SEMA6C: variants seen among roughly 807,000 people sequenced by gnomAD.
SEMA6C encodes semaphorin-6C.
A neutral mutation model predicts 72.9 loss-of-function variants in SEMA6C; 37 were observed. The observed-to-expected ratio is 0.51, with a 90% confidence interval of 0.39 to 0.67. The LOEUF is 0.67. Ranked by LOEUF, SEMA6C falls within the 30% of genes least tolerant of loss-of-function variation. SEMA6C has a pLI of 0.00. For missense variants in SEMA6C, 1,189 were observed against 1,263.6 expected (o/e 0.94, Z 0.89); for synonymous variants, 578 against 554.1 (o/e 1.04, Z -0.61).
intron 2 of SEMA6C, among the ~76,000 whole-genome samples, chr1:151,143,304 A>T (rs1037003149): frequency 4.6e-5 from 7 of 152,104 alleles, no homozygotes; most frequent in Non-Finnish European, 1.0e-4. Context: ...TAGGGAGGAG[A>T]GTTGGTGGGG....
rs1681596092 is a variant in SEMA6C, at chr1:151,132,286, C to T, written c.*198G>A. 3 of 1,533,716 alleles carry T rather than the reference C, an allele frequency of 2.0e-6. No individual in the cohort carries two copies. The highest frequency in any genetic ancestry group is 1.2e-5 in the South Asian group (1 of 83,190). On this transcript the variant is annotated 3_prime_UTR_variant, in exon 19 of 19. Coordinates refer to ENST00000368914, the MANE Select transcript of SEMA6C (RefSeq NM_030913.6). ...CTCACTGAGGAGACGGGCTTCTCAC[C>T]TCCCACTCTTCTGTCGAGGACAGGG...
intron 6 of SEMA6C, 34 bp from the exon 7 acceptor site, chr1:151,138,765 G>A: frequency 6.6e-7 from 1 of 1,526,040 alleles, no homozygotes; most frequent in Non-Finnish European, 9.1e-7. Flanking sequence ...CAGTGACAGA[G>A]GGTCCTGGGA....
chr1:151,134,730 T>C, intron 16 of SEMA6C, 55 bp from the exon 17 acceptor site: 1 of 1,612,582 alleles, frequency 6.2e-7, no homozygotes, highest in Non-Finnish European at 8.5e-7. Flanking sequence ...TATCTCCCAC[T>C]CTGGCCCTCA....
intron 3 of SEMA6C, among the ~76,000 whole-genome samples, chr1:151,140,389 G>A (rs912441445): frequency 3.3e-5 from 5 of 152,232 alleles, no homozygotes; most frequent in African/African-American, 1.2e-4. Flanking sequence ...GAAGTGGCAG[G>A]TATCAGGATT....
At chr1:151,135,964 G>A (rs1681987201) in intron 13 of SEMA6C, 47 bp downstream of exon 13, 8 of 1,611,124 alleles carry the variant, frequency 5.0e-6, no homozygotes, top group Non-Finnish European at 6.8e-6. Context: ...AAAGAGGAGG[G>A]TGGCTGAGAA....
intron 2 of SEMA6C, among the ~76,000 whole-genome samples, chr1:151,144,061 G>A (rs1682764866): frequency 6.6e-6 from 1 of 152,072 alleles, no homozygotes; most frequent in South Asian, 2.1e-4. Context: ...AACACCTAAT[G>A]ATGACCCCCC....
chr1:151,139,965 G>A lies in SEMA6C; in HGVS notation c.233+11C>T, dbSNP rs771673205. On this transcript the variant is annotated intron_variant, in intron 4 of 18. Transcript: ENST00000368914. The stretch of plus-strand genomic sequence containing the variant: ...CATGTCTGCCCCACAACTGTGCCAC[G>A]GCCAGTTTACCGGGCAGCCACTAGC... 205 of 1,611,916 alleles carry A rather than the reference G, an allele frequency of 1.3e-4. No individual in the cohort carries two copies. The highest frequency in any genetic ancestry group is 1.5e-4 in the Non-Finnish European group (178 of 1,178,348).
chr1:151,139,757 A>C, intron 4 of SEMA6C, 56 bp from the exon 5 acceptor site: 1 of 1,504,628 alleles, frequency 6.6e-7, no homozygotes, highest in Non-Finnish European at 9.0e-7. Context: ...CACTTTACCC[A>C]CAGTCAGCTG....
chr1:151,136,397 G>GGCA (rs1444913856), intron 12 of SEMA6C, 51 bp downstream of exon 12: 1 of 1,595,148 alleles, frequency 6.3e-7, no homozygotes, highest in South Asian at 1.1e-5. Flanking sequence ...CCATCTTGGG[G>GGCA]GCAGACGCTG....
rs11806302 is a variant in SEMA6C at position 151,137,591 on chromosome 1, G to A, written c.756+120C>T. ...GCTTGGGGCTATTCCAAGTTGAGGGGTGAGAGTCCAGGGGATTGCTTTGTG... is the reference window on the plus strand; with the variant it reads ...GCTTGGGGCTATTCCAAGTTGAGGGATGAGAGTCCAGGGGATTGCTTTGTG... On this transcript the variant is annotated intron_variant, in intron 10 of 18. Transcript: ENST00000368914. 2,484 of 813,268 alleles carry A rather than the reference G, an allele frequency of 3.1e-3. 59 individuals are homozygous for A. In the African/African-American group the frequency reaches 0.038, roughly 12 times the overall value. The allele number at this position is 813,268 out of a possible 1,614,324, so 50.4% of individuals were successfully genotyped here. A position where few individuals can be genotyped will look rare whatever the true frequency, so the allele number is the denominator to read the frequency against.
Position 151,132,954 on chromosome 1 carries a change from G to A in SEMA6C, c.2323C>T (p.His775Tyr). ...CCCTTTCTGGGCGGCTGCGGGCCGTGCAGGTAGCGCAGCAGTTCCTCCAGG... is the reference window on the plus strand; with the variant it reads ...CCCTTTCTGGGCGGCTGCGGGCCGTACAGGTAGCGCAGCAGTTCCTCCAGG... Reference protein sequence around the residue: ...TTLEELLRYLHGPQPPRKGAE... With the variant: ...TTLEELLRYLYGPQPPRKGAE... The change falls in exon 19 of 19, where the codon CAC becomes TAC. Residue 775 changes from histidine (H) to tyrosine (Y), a missense_variant. By Grantham distance (83) the His-to-Tyr change is moderately conservative. Transcript: ENST00000368914. 1 of 1,410,376 alleles carries A rather than the reference G, an allele frequency of 7.1e-7. No individual in the cohort carries two copies. Among genetic ancestry groups the A allele is most frequent in the South Asian group, 1.3e-5 (1 of 77,766 alleles). 87.4% of individuals were successfully genotyped at this position (1,410,376 alleles called of 1,614,324 possible). A position where few individuals can be genotyped will look rare whatever the true frequency, so the allele number is the denominator to read the frequency against.
intron 8 of SEMA6C, 87 bp from the exon 9 acceptor site, chr1:151,138,192 C>G: frequency 6.3e-7 from 1 of 1,588,512 alleles, no homozygotes; most frequent in Non-Finnish European, 8.6e-7. Context: ...CCTACCTAGG[C>G]CTGGCCCTGG....
chr1:151,132,809 G>A lies in SEMA6C; in HGVS notation c.2468C>T (p.Pro823Leu). 7.5e-6 allele frequency: 10 copies of A among 1,331,382 alleles called. No individual in the cohort carries two copies. Among genetic ancestry groups the A allele is most frequent in the Non-Finnish European group, 9.6e-6 (10 of 1,040,252 alleles). The allele number at this position is 1,331,382 out of a possible 1,614,324, so 82.5% of individuals were successfully genotyped here. The change falls in exon 19 of 19, where the codon CCC becomes CTC. Residue 823 changes from proline (P) to leucine (L), a missense_variant. Pro to Leu is a moderately conservative substitution (Grantham distance 98). Around this residue, in one of 2 missense-constraint regions of SEMA6C, gnomAD observed 721 missense variants for 686.2 expected, o/e 1.05. Transcript: ENST00000368914. ...GGCAGAGGCGCACCTGCCCTCGGGG[G>A]GCACGTCCAGCCTCAGCGGCGAGGC... ...ECASPLRLDVPPEGRCASAPA... is the reference protein window; with the variant it reads ...ECASPLRLDVLPEGRCASAPA...
In SEMA6C at chr1:151,132,302, G is replaced by T; in HGVS notation, c.*182C>A. On this transcript the variant is annotated 3_prime_UTR_variant, in exon 19 of 19. Coordinates refer to ENST00000368914, the MANE Select transcript of SEMA6C (RefSeq NM_030913.6). ...GCTTCTCACCTCCCACTCTTCTGTC[G>T]AGGACAGGGGGAAAGACAGTCAATA... The T allele has an allele frequency of 6.5e-7, 1 of 1,536,520 alleles. No individual in the cohort carries two copies. The highest frequency in any genetic ancestry group is 8.7e-7 in the Non-Finnish European group (1 of 1,145,682).
chr1:151,142,540 G>T lies in SEMA6C; in HGVS notation c.82C>A (p.Gln28Lys). 1 of 1,612,836 alleles carries T rather than the reference G, an allele frequency of 6.2e-7. No individual in the cohort carries two copies. Among genetic ancestry groups the T allele is most frequent in the Non-Finnish European group, 8.5e-7 (1 of 1,179,542 alleles). ...SLPHTQAAFP[Q>K]DPLPLLISDL... ...GAGATCAACAGAGGGAGGGGGTCCT[G>T]GGGAAAGGCGGCCTGAGTATGGGGA... The change falls in exon 3 of 19, where the codon CAG (glutamine) becomes AAG (lysine). Residue 28 changes from glutamine to lysine, a missense_variant. By Grantham distance (53) the Gln-to-Lys change is moderately conservative. This residue lies in a region of SEMA6C where 468 missense variants were observed against 577.4 expected (regional missense o/e 0.81). Transcript: ENST00000368914.
Position 151,142,522 on chromosome 1 carries a change from A to C in SEMA6C, c.100T>G (p.Leu34Val). The C allele has an allele frequency of 1.9e-6, 3 of 1,613,334 alleles. No individual in the cohort carries two copies. Among genetic ancestry groups the C allele is most frequent in the Non-Finnish European group, 2.5e-6 (3 of 1,179,776 alleles). ...AAFPQDPLPL[L>V]ISDLQGTSPL... Reference sequence around the variant, plus strand: ...CACTCACCTTGAAGGTCAGAGATCAACAGAGGGAGGGGGTCCTGGGGAAAG... The same window carrying C: ...CACTCACCTTGAAGGTCAGAGATCACCAGAGGGAGGGGGTCCTGGGGAAAG... The change falls in exon 3 of 19, where the codon TTG becomes GTG. Residue 34 changes from leucine to valine, a missense_variant. Leu to Val is a conservative substitution (Grantham distance 32). Around this residue, in one of 2 missense-constraint regions of SEMA6C, gnomAD observed 468 missense variants for 577.4 expected, o/e 0.81. Transcript: ENST00000368914.
chr1:151,133,293 G>A lies in SEMA6C; in HGVS notation c.1984C>T (p.Pro662Ser), dbSNP rs587743691. 6.3e-7 allele frequency: 1 copy of A among 1,578,232 alleles called. No individual in the cohort carries two copies. Among genetic ancestry groups the A allele is most frequent in the Admixed American group, 1.8e-5 (1 of 56,336 alleles). Residue 662 changes from proline to serine, a missense_variant, in exon 19 of 19, where the codon CCA (proline) becomes TCA (serine). By Grantham distance (74) the Pro-to-Ser change is moderately conservative. Transcript: ENST00000368914. This position sits in a 1 kb window ranked among gnomAD's most constrained non-coding sequence, Gnocchi z 5.9. ...RSLARLHGGG[P>S]EPPPPSKDGD... ...TCCTTGGAGGGCGGCGGGGGCTCTG[G>A]GCCCCCACCGTGGAGCCGGGCCAAA...
Position 151,133,281 on chromosome 1 carries a change from G to C in SEMA6C, c.1996C>G (p.Pro666Ala), listed in dbSNP as rs762454018. The part of the protein sequence containing the change: ...RLHGGGPEPP[P>A]PSKDGDAVQT... ...ACCGCGTCCCCGTCCTTGGAGGGCG[G>C]CGGGGGCTCTGGGCCCCCACCGTGG... Residue 666 changes from proline (P) to alanine (A), a missense_variant, in exon 19 of 19, where the codon CCG becomes GCG. Physicochemically the swap from Pro to Ala is conservative, Grantham distance 27. Transcript: ENST00000368914. The surrounding 1 kb of genome is among the most constrained non-coding windows in gnomAD (Gnocchi z 5.9). 1 of 1,578,148 alleles carries C rather than the reference G, an allele frequency of 6.3e-7. No homozygotes were observed. Among genetic ancestry groups the C allele is most frequent in the Admixed American group, 1.8e-5 (1 of 56,232 alleles).
At chr1:151,139,032 G>A (rs1055193899) in intron 6 of SEMA6C, among the ~76,000 whole-genome samples, 1 of 150,554 alleles carries the variant, frequency 6.6e-6, no homozygotes, top group African/African-American at 2.5e-5. Context: ...GGCGGAGGTT[G>A]CAGTGAGCCA....
Sources: allele counts gnomAD v4.1 joint callset (sites outside exome capture counted in the v4.1 genomes callset), GRCh38; gene constraint gnomAD v4.1.1; regional missense constraint gnomAD v4.1.1; non-coding constraint Gnocchi (gnomAD v3.1); transcripts MANE v1.5; gene names NCBI Gene and HGNC (gene_info 2026-07-23, HGNC 2026-07-21).